SGCD: variants seen among roughly 807,000 people sequenced by gnomAD.
SGCD encodes sarcoglycan delta.
A neutral mutation model predicts 36.6 loss-of-function variants in SGCD; 18 were observed. The observed-to-expected ratio is 0.49, with a 90% CI of 0.34 to 0.73. The LOEUF (loss-of-function observed/expected upper bound fraction) is 0.73. Among genes scored for constraint, SGCD ranks in the 30% least tolerant of loss-of-function variants. The pLI is 0.01. For missense variants in SGCD, 387 were observed against 346.7 expected (o/e 1.12, Z -0.92); for synonymous variants, 133 against 130.6 (o/e 1.02, Z -0.12).
intron 3 of SGCD, among the ~76,000 whole-genome samples, chr5:156,402,493 T>A (rs1772207084): frequency 6.6e-6 from 1 of 152,162 alleles, no homozygotes; most frequent in African/African-American, 2.4e-5. Context: ...GCGTTGCCTG[T>A]TACTGGGGAA....
rs369926389 is a variant in SGCD at position 155,890,641 on chromosome 5, TA to T, written c.-282+20218del. The stretch of plus-strand genomic sequence containing the variant: ...GGTAGGTAAGTAGATAGACAGATGA[TA>T]GATAGATAGATAGATAGATAGATAG... On this transcript the variant is annotated intron_variant, in intron 1 of 9. Coordinates refer to the SGCD transcript ENST00000517913. 1.6e-3 allele frequency among the ~76,000 whole-genome samples: 204 copies of T among 124,312 alleles called. 2 individuals are homozygous for T. Among genetic ancestry groups the T allele is most frequent in the East Asian group, 0.011 (50 of 4,528 alleles). 81.6% of individuals were successfully genotyped at this position (124,312 alleles called of 152,430 possible).
chr5:156,750,347 T>C (rs1459954483), intron 7 of SGCD, among the ~76,000 whole-genome samples: 1 of 152,098 alleles, frequency 6.6e-6, no homozygotes, highest in East Asian at 1.9e-4. Flanking sequence ...CAACACTGTA[T>C]TGTATGGTTC....
At chr5:156,094,247 G>A (rs1761323509) in intron 1 of SGCD, among the ~76,000 whole-genome samples, 1 of 152,198 alleles carries the variant, frequency 6.6e-6, no homozygotes, top group South Asian at 2.1e-4. Context: ...CTGTAAGGGG[G>A]AGGGTGGCCA....
chr5:156,753,260 G>C (rs2113154138), intron 7 of SGCD, among the ~76,000 whole-genome samples: 1 of 152,250 alleles, frequency 6.6e-6, no homozygotes, highest in African/African-American at 2.4e-5. Flanking sequence ...ACCCTTCCTG[G>C]CCACTCCTCC....
At chr5:156,062,686 A>G (rs1201284531) in intron 1 of SGCD, among the ~76,000 whole-genome samples, 3 of 28,572 alleles carry the variant, frequency 1.0e-4, no homozygotes, top group East Asian at 9.3e-4. Flanking sequence ...ATGGCCAGTG[A>G]TGATGAGCAT....
chr5:156,264,551 T>C (rs956329350), intron 3 of SGCD, among the ~76,000 whole-genome samples: 1 of 152,148 alleles, frequency 6.6e-6, no homozygotes, highest in South Asian at 2.1e-4. Flanking sequence ...GGTCCTGAGA[T>C]TATCACTTTG....
chr5:156,589,714 C>A (rs1181582926), intron 5 of SGCD, among the ~76,000 whole-genome samples: 1 of 152,290 alleles, frequency 6.6e-6, no homozygotes, highest in East Asian at 1.9e-4. Flanking sequence ...AGGGACCATA[C>A]TTTATGGGCT....
At chr5:156,232,224 GT>G (rs145062718) in intron 3 of SGCD, among the ~76,000 whole-genome samples, 8,624 of 152,266 alleles carry the variant, frequency 0.057, 342 homozygotes, top group Non-Finnish European at 0.085. Flanking sequence ...TAGCTTAAGT[GT>G]TTATGATTTT....
intron 3 of SGCD, among the ~76,000 whole-genome samples, chr5:156,381,476 G>C (rs1342339951): frequency 6.6e-6 from 1 of 151,800 alleles, no homozygotes; most frequent in Non-Finnish European, 1.5e-5. Context: ...TGGGCACAGG[G>C]GCATGGCAGA....
intron 3 of SGCD, among the ~76,000 whole-genome samples, chr5:156,501,295 G>A (rs72801122): frequency 0.032 from 4,936 of 152,252 alleles, 138 homozygotes; most frequent in East Asian, 0.091. Flanking sequence ...AAACCCCACT[G>A]CAGTTAGGCT....
chr5:156,732,077 T>C (rs1756105909), intron 7 of SGCD, among the ~76,000 whole-genome samples: 1 of 152,184 alleles, frequency 6.6e-6, no homozygotes, highest in South Asian at 2.1e-4. Context: ...TATAGAGTCA[T>C]GTCATTTGTA....
intron 1 of SGCD, among the ~76,000 whole-genome samples, chr5:155,926,412 G>T (rs925413709): frequency 6.6e-6 from 1 of 152,124 alleles, no homozygotes; most frequent in Non-Finnish European, 1.5e-5. Flanking sequence ...GCTAACAAAT[G>T]CTTTAGCAAA....
At chr5:155,778,457 C>G in the SGCD span, among the ~76,000 whole-genome samples, 1 of 152,204 alleles carries the variant, frequency 6.6e-6, no homozygotes, top group Non-Finnish European at 1.5e-5. Context: ...GAATTTCTAA[C>G]TTAGCCACTT....
chr5:156,523,270 G>A (rs1262155424), intron 4 of SGCD, among the ~76,000 whole-genome samples: 1 of 152,144 alleles, frequency 6.6e-6, no homozygotes, highest in Non-Finnish European at 1.5e-5. Flanking sequence ...AGTGTGACAA[G>A]TGGTTACACG....
intron 3 of SGCD, among the ~76,000 whole-genome samples, chr5:156,501,061 T>G (rs1756424151): frequency 6.6e-6 from 1 of 152,132 alleles, no homozygotes; most frequent in Admixed American, 6.5e-5. Context: ...GAAGGGAAAC[T>G]TTGGCGAGGC....
chr5:156,245,829 T>C (rs1301320033), intron 3 of SGCD, among the ~76,000 whole-genome samples: 1 of 152,134 alleles, frequency 6.6e-6, no homozygotes, highest in East Asian at 1.9e-4. Context: ...AATATATTAG[T>C]GTAATGCAAA....
At chr5:156,433,070 T>C (rs1753093034) in intron 3 of SGCD, among the ~76,000 whole-genome samples, 1 of 152,190 alleles carries the variant, frequency 6.6e-6, no homozygotes, top group African/African-American at 2.4e-5. Context: ...CTTTCAATGA[T>C]GGGTATTTTG....
chr5:155,823,396 C>T, the SGCD span, among the ~76,000 whole-genome samples: 4 of 151,686 alleles, frequency 2.6e-5, no homozygotes, highest in African/African-American at 9.7e-5. Context: ...TGGATAATGG[C>T]CGCCCACATT....
rs531339408 is a variant in SGCD at position 156,737,178 on chromosome 5, C to T, written c.576-20403C>T. Among the ~76,000 whole-genome samples the T allele has an allele frequency of 6.6e-5, 10 of 152,308 alleles. No homozygotes were observed. The South Asian group carries it at 2.1e-3, about 32-fold the overall frequency. On this transcript the variant is annotated intron_variant, in intron 7 of 8. Transcript: ENST00000337851. ...AAATTAAGTACTTCCTCAATTTTAG[C>T]TGATTACAATGTACTTTTTCCCAGA... is the stretch of plus-strand genomic sequence containing the variant.
Sources: allele counts gnomAD v4.1 joint callset (sites outside exome capture counted in the v4.1 genomes callset), GRCh38; gene constraint gnomAD v4.1.1; transcripts MANE v1.5; gene names NCBI Gene and HGNC (gene_info 2026-07-23, HGNC 2026-07-21).